Variants in CRIPT observed in about 807,000 individuals in gnomAD.
The protein encoded by CRIPT is CXXC repeat containing interactor of PDZ3 domain, also known as cysteine-rich PDZ-binding protein.
In CRIPT, 20 loss-of-function variants were observed where a neutral mutation model predicts 16.6. The observed-to-expected ratio is 1.20, with a 90% confidence interval of 0.85 to 1.75. The LOEUF (loss-of-function observed/expected upper bound fraction) is 1.75, where lower values mean the gene tolerates loss of function less well. Among genes scored for constraint, CRIPT ranks in the 40% most tolerant of loss-of-function variants. The pLI, the probability that CRIPT is intolerant of heterozygous loss-of-function variation, is 0.00. For synonymous variants in CRIPT, 42 were observed against 37.0 expected (o/e 1.14, Z -0.49); for missense variants, 133 against 115.3 (o/e 1.15, Z -0.70).
rs1011805897 is a variant in CRIPT, at chr2:46,626,306, A to G, written c.*2079A>G. Among the ~76,000 whole-genome samples the G allele has an allele frequency of 2.0e-5, 3 of 152,172 alleles. No individual in the cohort carries two copies. The highest frequency in any genetic ancestry group is 4.4e-5 in the Non-Finnish European group (3 of 68,040). On this transcript the variant is annotated 3_prime_UTR_variant, in exon 5 of 5. Coordinates refer to ENST00000238892, the MANE Select transcript of CRIPT (RefSeq NM_014171.6). ...GGCTGCATAGTATTCTGTGGTGTAT[A>G]TGTACCAATTTTCTTTATCCAGTCC...
rs1670994298 is a variant in CRIPT, at chr2:46,628,394, G to A, written c.*4167G>A. Among the ~76,000 whole-genome samples the A allele has an allele frequency of 6.6e-6, 1 of 152,232 alleles. No individual in the cohort carries two copies. The highest frequency in any genetic ancestry group is 6.5e-5 in the Admixed American group (1 of 15,288). On this transcript the variant is annotated 3_prime_UTR_variant, in exon 5 of 5. Coordinates refer to ENST00000238892, the MANE Select transcript of CRIPT (RefSeq NM_014171.6). The stretch of plus-strand genomic sequence containing the variant: ...CAAAGTGCTGGGATTACAGGCGTGA[G>A]CCACTGGACCCGGCAGGATTTTTCT...
At chr2:46,623,632 T>C in intron 3 of CRIPT, 132 bp from the exon 4 acceptor site, 1 of 573,304 alleles carries the variant, frequency 1.7e-6, no homozygotes, top group Non-Finnish European at 3.1e-6. Context: ...TGGAATAGGC[T>C]AAACCCATCA....
chr2:46,627,459 C>G lies in CRIPT; in HGVS notation c.*3232C>G, dbSNP rs1457462384. Among the ~76,000 whole-genome samples, 3 of 149,548 alleles carry G rather than the reference C, an allele frequency of 2.0e-5. No homozygotes were observed. Among genetic ancestry groups the G allele is most frequent in the Non-Finnish European group, 4.4e-5 (3 of 67,486 alleles). The stretch of plus-strand genomic sequence containing the variant: ...TTTAAATCTTTTTTTTTTTTTTTCC[C>G]CAAAGACAGAGTCTCCTTCTGTTGC... On this transcript the variant is annotated 3_prime_UTR_variant, in exon 5 of 5. Coordinates refer to ENST00000238892, the MANE Select transcript of CRIPT (RefSeq NM_014171.6).
In CRIPT at chr2:46,623,832, G is replaced by C; in HGVS notation, c.206G>C (p.Gly69Ala). ...RICKSSVHQP[G>A]SHYCQGCAYK... ...TGTAAAAGTTCTGTGCACCAACCAG[G>C]TTCTCATTACTGCCAGGGCTGTGCC... Residue 69 changes from glycine to alanine, a missense_variant, in exon 4 of 5, where the codon GGT becomes GCT. Coordinates refer to ENST00000238892, the MANE Select transcript of CRIPT (RefSeq NM_014171.6). 3 of 1,609,970 alleles carry C rather than the reference G, an allele frequency of 1.9e-6. No individual in the cohort carries two copies. The highest frequency in any genetic ancestry group is 1.7e-6 in the Non-Finnish European group (2 of 1,177,728).
chr2:46,623,967 CCAAA>C, intron 4 of CRIPT, 100 bp downstream of exon 4: 1 of 801,340 alleles, frequency 1.2e-6, no homozygotes, highest in Non-Finnish European at 1.9e-6. Flanking sequence ...ATTCTGTTAG[CCAAA>C]CACTCTCTTT....
intron 1 of CRIPT, 25 bp from the exon 2 acceptor site, chr2:46,618,748 T>C: frequency 6.7e-7 from 1 of 1,492,934 alleles, no homozygotes; most frequent in Non-Finnish European, 9.3e-7. Context: ...AGTTTAATTT[T>C]CCTTTTACTA....
At position 46,626,174 on chromosome 2, in the gene CRIPT, A is replaced by G. The variant is rs751530907; in HGVS notation, c.*1947A>G. ...ACCCATTGCTTAGTTCCCACTGATA[A>G]GTGAGAACATGCGGTCTTTGGTTTT... On this transcript the variant is annotated 3_prime_UTR_variant, in exon 5 of 5. Transcript: ENST00000238892. 2.6e-5 allele frequency among the ~76,000 whole-genome samples: 4 copies of G among 152,130 alleles called. No homozygotes were observed. Among genetic ancestry groups the G allele is most frequent in the Non-Finnish European group, 5.9e-5 (4 of 68,038 alleles).
In CRIPT at chr2:46,620,215, A is replaced by G. The variant is rs1355047247; in HGVS notation, c.137+534A>G. On this transcript the variant is annotated intron_variant, in intron 3 of 4. Coordinates refer to ENST00000238892, the MANE Select transcript of CRIPT (RefSeq NM_014171.6). ...TGTAATCCTAGCACTTTGGGAAGCC[A>G]AGGCAGACAGATTATCTGAGCCCAG... Among the ~76,000 whole-genome samples the G allele has an allele frequency of 2.0e-5, 3 of 152,184 alleles. No homozygotes were observed. In the South Asian group the frequency reaches 6.2e-4, roughly 32 times the overall value.
chr2:46,623,351 A>G (rs1412256524), intron 3 of CRIPT, among the ~76,000 whole-genome samples: 3 of 152,162 alleles, frequency 2.0e-5, no homozygotes. Flanking sequence ...CCCAGTTTTC[A>G]ACAGTTGTCT....
chr2:46,620,953 T>C (rs1488302517), intron 3 of CRIPT, among the ~76,000 whole-genome samples: 1 of 152,022 alleles, frequency 6.6e-6, no homozygotes, highest in Non-Finnish European at 1.5e-5. Flanking sequence ...CTACTTCCCC[T>C]ATCCATCAGC....
At chr2:46,624,066 C>A in intron 4 of CRIPT, 97 bp from the exon 5 acceptor site, 1 of 633,818 alleles carries the variant, frequency 1.6e-6, no homozygotes, top group Non-Finnish European at 2.5e-6. Context: ...TCTTTTCTTT[C>A]CTGATGCTGT....
chr2:46,619,465 A>G (rs903404982), intron 2 of CRIPT, among the ~76,000 whole-genome samples, 162 bp from the exon 3 acceptor site: 1 of 152,130 alleles, frequency 6.6e-6, no homozygotes, highest in Non-Finnish European at 1.5e-5. Context: ...TTTCCCTAAT[A>G]AATATTTTCT....
At chr2:46,619,577 T>C (rs1165541755) in intron 2 of CRIPT, 50 bp from the exon 3 acceptor site, 1 of 1,279,592 alleles carries the variant, frequency 7.8e-7, no homozygotes, top group Admixed American at 2.0e-5. Flanking sequence ...TAATATTATA[T>C]GTTAAATGTA....
chr2:46,622,386 G>A (rs1413517838), intron 3 of CRIPT, among the ~76,000 whole-genome samples: 8 of 148,458 alleles, frequency 5.4e-5, no homozygotes, highest in Non-Finnish European at 7.5e-5. Context: ...AAAAAAAAAA[G>A]ATTTCCAAGG....
rs1172423476 is a variant in CRIPT, at chr2:46,628,823, A to G, written c.*4596A>G. Among the ~76,000 whole-genome samples the G allele has an allele frequency of 6.6e-6, 1 of 152,242 alleles. No individual in the cohort carries two copies. ...AACATAAAATATTTTTAAAAGGAAG[A>G]CATACAAACAGACACTATAACCAAA... On this transcript the variant is annotated 3_prime_UTR_variant, in exon 5 of 5. Coordinates refer to ENST00000238892, the MANE Select transcript of CRIPT (RefSeq NM_014171.6).
rs201316537 is a variant in CRIPT at position 46,625,067 on chromosome 2, G to GTTTTT, written c.*843_*844insTTTTT. 3 of 91,644 alleles carry GTTTTT rather than the reference G, an allele frequency of 3.3e-5. No individual in the cohort carries two copies. The highest frequency in any genetic ancestry group is 5.6e-5 in the African/African-American group (1 of 17,778). 5.7% of individuals were successfully genotyped at this position (91,644 alleles called of 1,614,324 possible). ...TCTTGACTCTCCCTTTTTAAAATTT[G>GTTTTT]TTTGTTTTTTTTTTTTTTTTTTGGA... On this transcript the variant is annotated 3_prime_UTR_variant, in exon 5 of 5. Coordinates refer to ENST00000238892, the MANE Select transcript of CRIPT (RefSeq NM_014171.6).
chr2:46,628,200 TC>T lies in CRIPT; in HGVS notation c.*3975del. ...ATCTCAGCTCACTGCAACCTCTGCC[TC>T]CTGAGTTCAAGCAATTCTCCTGCCT... On this transcript the variant is annotated 3_prime_UTR_variant, in exon 5 of 5. Coordinates refer to ENST00000238892, the MANE Select transcript of CRIPT (RefSeq NM_014171.6). 6.6e-6 allele frequency among the ~76,000 whole-genome samples: 1 copy of T among 150,738 alleles called. No individual in the cohort carries two copies. Among genetic ancestry groups the T allele is most frequent in the South Asian group, 2.1e-4 (1 of 4,728 alleles).
chr2:46,627,061 G>A lies in CRIPT; in HGVS notation c.*2834G>A, dbSNP rs1670954941. ...TTGGCCAGCCTGGTCTCGAATTCCT[G>A]ACCTCAGGTGATCCACCCATCTCAG... On this transcript the variant is annotated 3_prime_UTR_variant, in exon 5 of 5. Coordinates refer to ENST00000238892, the MANE Select transcript of CRIPT (RefSeq NM_014171.6). Among the ~76,000 whole-genome samples the A allele has an allele frequency of 6.6e-6, 1 of 152,160 alleles. No homozygotes were observed. The highest frequency in any genetic ancestry group is 2.4e-5 in the African/African-American group (1 of 41,436).
chr2:46,624,231 T>C lies in CRIPT; in HGVS notation c.*4T>C. ...CTACAAGCAAACATCTGTCTAGATGTATTGATGGAATTTCTGGCTTTCTAA... is the reference window on the plus strand; with the variant it reads ...CTACAAGCAAACATCTGTCTAGATGCATTGATGGAATTTCTGGCTTTCTAA... On this transcript the variant is annotated 3_prime_UTR_variant, in exon 5 of 5. Transcript: ENST00000238892. 6.5e-7 allele frequency: 1 copy of C among 1,546,090 alleles called. No homozygotes were observed.
Sources: gnomAD v4.1 joint callset for allele counts (sites outside exome capture counted in the v4.1 genomes callset) on GRCh38, gnomAD v4.1.1 for gene constraint, MANE v1.5 for transcripts, NCBI Gene and HGNC (gene_info 2026-07-23, HGNC 2026-07-21) for gene names.